Variants in DLGAP2 observed in about 807,000 individuals in gnomAD.
The protein encoded by DLGAP2 is disks large-associated protein 2.
Under a neutral mutation model 100.3 loss-of-function variants are expected in DLGAP2, and 26 were observed. That is an observed-to-expected ratio of 0.26 (90% CI 0.19 to 0.36). The LOEUF is 0.36. Ranked by LOEUF, DLGAP2 falls within the 10% of genes least tolerant of loss-of-function variation. The probability of loss-of-function intolerance (pLI) is 1.00; values close to 1 mark genes in which losing one functional copy is unlikely to be tolerated. For synonymous variants in DLGAP2, 886 were observed against 630.1 expected (o/e 1.41, Z -6.08); for missense variants, 1,858 against 1,453.2 (o/e 1.28, Z -4.53).
chr8:845,136 A>G (rs1470604243), intron 1 of DLGAP2, among the ~76,000 whole-genome samples: 2 of 152,232 alleles, frequency 1.3e-5, no homozygotes, highest in Non-Finnish European at 2.9e-5. Context: ...TTTGTGCACA[A>G]CTTTTTGCGT....
chr8:1,509,900 A>C (rs1328844386), intron 4 of DLGAP2, among the ~76,000 whole-genome samples: 1 of 152,310 alleles, frequency 6.6e-6, no homozygotes, highest in East Asian at 1.9e-4. Flanking sequence ...TTAAAGGTGC[A>C]TTCAGGAGGT....
intron 3 of DLGAP2, among the ~76,000 whole-genome samples, chr8:1,315,297 G>A (rs537057504): frequency 2.7e-5 from 4 of 150,006 alleles, no homozygotes; most frequent in African/African-American, 9.7e-5. Context: ...GCCTGTGCGA[G>A]TGCAGCGTCT....
chr8:900,476 TG>T (rs1798230786), intron 1 of DLGAP2, among the ~76,000 whole-genome samples: 1 of 152,146 alleles, frequency 6.6e-6, no homozygotes, highest in South Asian at 2.1e-4. Flanking sequence ...ACCTTGGAGG[TG>T]GTGGTCTTGC....
intron 2 of DLGAP2, among the ~76,000 whole-genome samples, chr8:1,200,003 C>A (rs1256018466): frequency 1.3e-5 from 2 of 151,970 alleles, no homozygotes; most frequent in Non-Finnish European, 2.9e-5. Flanking sequence ...CCCGGGGGTC[C>A]CATCCTGTGG....
At chr8:820,966 G>C (rs982576126) in intron 1 of DLGAP2, among the ~76,000 whole-genome samples, 2 of 152,162 alleles carry the variant, frequency 1.3e-5, no homozygotes, top group Admixed American at 1.3e-4. Flanking sequence ...GAACGGTGGA[G>C]AGTTGAACAG....
At chr8:1,460,637 G>C (rs1023252767) in intron 3 of DLGAP2, among the ~76,000 whole-genome samples, 2 of 152,162 alleles carry the variant, frequency 1.3e-5, no homozygotes, top group African/African-American at 2.4e-5. Context: ...TTTGCAGGAA[G>C]ACAGATAATT....
chr8:1,555,718 A>G (rs899126656), intron 5 of DLGAP2, among the ~76,000 whole-genome samples: 11 of 152,218 alleles, frequency 7.2e-5, no homozygotes, highest in Admixed American at 5.9e-4. Flanking sequence ...CCGGGCAGGC[A>G]GGGAGATCGC....
chr8:1,028,981 A>G (rs1361756860), intron 2 of DLGAP2, among the ~76,000 whole-genome samples: 1 of 152,124 alleles, frequency 6.6e-6, no homozygotes, highest in Non-Finnish European at 1.5e-5. Flanking sequence ...ATCACTGAAG[A>G]TGAATTGGAC....
chr8:824,416 T>A (rs1245886557), intron 1 of DLGAP2, among the ~76,000 whole-genome samples: 1 of 152,138 alleles, frequency 6.6e-6, no homozygotes, highest in East Asian at 1.9e-4. Flanking sequence ...CAGCCCCTCT[T>A]GATTTAGATG....
At chr8:1,679,883 G>T (rs907180609) in intron 12 of DLGAP2, among the ~76,000 whole-genome samples, 3 of 149,618 alleles carry the variant, frequency 2.0e-5, no homozygotes, top group African/African-American at 7.4e-5. Context: ...GGGAGGCTGA[G>T]GCAGGAAAAT....
chr8:1,330,489 T>C (rs866492030), intron 3 of DLGAP2, among the ~76,000 whole-genome samples: 365 of 58,702 alleles, frequency 6.2e-3, no homozygotes, highest in Middle Eastern at 0.021. Flanking sequence ...GGACTGAGTT[T>C]TGGGTGGGAG....
intron 9 of DLGAP2, 138 bp from the exon 10 acceptor site, chr8:1,669,605 G>T: frequency 2.9e-6 from 2 of 696,202 alleles, no homozygotes; most frequent in Non-Finnish European, 5.2e-6. Context: ...CAGGGAGGAG[G>T]GTGAGTGGAG....
At chr8:819,537 G>T (rs1404255619) in intron 1 of DLGAP2, among the ~76,000 whole-genome samples, 2 of 152,142 alleles carry the variant, frequency 1.3e-5, no homozygotes, top group African/African-American at 4.8e-5. Context: ...TGGGAATCAA[G>T]AGACTTATTT....
chr8:873,928 G>A (rs1797644690), intron 1 of DLGAP2, among the ~76,000 whole-genome samples: 1 of 152,096 alleles, frequency 6.6e-6, no homozygotes, highest in Non-Finnish European at 1.5e-5. Flanking sequence ...TTTCTCTTGA[G>A]TCAGTTTTGG....
intron 2 of DLGAP2, among the ~76,000 whole-genome samples, chr8:1,040,082 A>AGCTCGGGTTCCGTGGTCG (rs1802282907): frequency 9.8e-6 from 1 of 102,180 alleles, no homozygotes; most frequent in South Asian, 3.5e-4. Flanking sequence ...TTCCGTGGTC[A>AGCTCGGGTTCCGTGGTCG]GCTCGGTTTC....
intron 7 of DLGAP2, among the ~76,000 whole-genome samples, chr8:1,628,686 C>T (rs1289558642): frequency 6.8e-6 from 1 of 147,626 alleles, no homozygotes; most frequent in Non-Finnish European, 1.5e-5. Flanking sequence ...CTGAGCTGAC[C>T]TCACATTCTC....
chr8:1,251,456 TGA>T (rs1199833302), intron 2 of DLGAP2, among the ~76,000 whole-genome samples: 1 of 152,244 alleles, frequency 6.6e-6, no homozygotes, highest in African/African-American at 2.4e-5. Flanking sequence ...GATTTATTTT[TGA>T]GACAGGGTCT....
intron 3 of DLGAP2, among the ~76,000 whole-genome samples, chr8:1,342,885 C>A (rs1801451237): frequency 6.6e-6 from 1 of 152,200 alleles, no homozygotes; most frequent in African/African-American, 2.4e-5. Flanking sequence ...TCCTTCTAAA[C>A]TGCTTTCTGC....
At chr8:1,179,015 C>G (rs76202654) in intron 2 of DLGAP2, among the ~76,000 whole-genome samples, 2 of 152,322 alleles carry the variant, frequency 1.3e-5, no homozygotes, top group South Asian at 2.1e-4. Context: ...CGAGCCCCTG[C>G]TGTAAAACTC....
Sources: allele counts gnomAD v4.1 joint callset (sites outside exome capture counted in the v4.1 genomes callset), GRCh38; gene constraint gnomAD v4.1.1; transcripts MANE v1.5; gene names NCBI Gene and HGNC (gene_info 2026-07-23, HGNC 2026-07-21).